Variants in PRKN observed in about 807,000 individuals in gnomAD.
PRKN encodes parkin RBR E3 ubiquitin protein ligase, also known as E3 ubiquitin-protein ligase parkin.
In PRKN, 56 loss-of-function variants were observed where a neutral mutation model predicts 59.5. The ratio of observed to expected loss-of-function variants is 0.94; its 90% CI spans 0.76 to 1.18. The LOEUF (loss-of-function observed/expected upper bound fraction) is 1.18, where lower values mean the gene tolerates loss of function less well. Among genes scored for constraint, PRKN ranks in the 50% most tolerant of loss-of-function variants. The pLI, the probability that PRKN is intolerant of heterozygous loss-of-function variation, is 0.00. For missense variants in PRKN, 657 were observed against 596.4 expected (o/e 1.10, Z -1.06); for synonymous variants, 250 against 222.1 (o/e 1.13, Z -1.12).
intron 5 of PRKN, among the ~76,000 whole-genome samples, chr6:162,012,847 T>C (rs879810329): frequency 6.6e-6 from 1 of 152,184 alleles, no homozygotes; most frequent in Admixed American, 6.6e-5. Context: ...GTTTGTCTGA[T>C]GTTTATATTA....
rs1436786720 is a variant in PRKN, at chr6:161,593,305, A to G, written c.872-23889T>C. ...TTTGAGTGTGAGGGCAGGGCTATTGATATTTTCATTATCCCCATTTAATGG... is the reference window on the plus strand; with the variant it reads ...TTTGAGTGTGAGGGCAGGGCTATTGGTATTTTCATTATCCCCATTTAATGG... On this transcript the variant is annotated intron_variant, in intron 7 of 11. Transcript: ENST00000366898. This position sits in a 1 kb window ranked among gnomAD's most constrained non-coding sequence, Gnocchi z 4.8. Among the ~76,000 whole-genome samples, 2 of 152,200 alleles carry G rather than the reference A, an allele frequency of 1.3e-5. No homozygotes were observed. Among genetic ancestry groups the G allele is most frequent in the African/African-American group, 4.8e-5 (2 of 41,446 alleles).
At chr6:162,285,291 T>TTTTC (rs1554295523) in intron 2 of PRKN, among the ~76,000 whole-genome samples, 27 of 140,704 alleles carry the variant, frequency 1.9e-4, no homozygotes, top group African/African-American at 6.4e-4. Flanking sequence ...TTTTTTTTTT[T>TTTTC]CCGAGAGGGC....
chr6:162,068,561 TACAAGGGC>T (rs1778435814), intron 4 of PRKN, among the ~76,000 whole-genome samples: 1 of 152,180 alleles, frequency 6.6e-6, no homozygotes, highest in South Asian at 2.1e-4. Context: ...CAGCTGTCAT[TACAAGGGC>T]CTCGGCTTTC....
intron 8 of PRKN, among the ~76,000 whole-genome samples, chr6:161,556,099 T>C (rs995628931): frequency 6.6e-6 from 1 of 152,228 alleles, no homozygotes; most frequent in African/African-American, 2.4e-5. Context: ...AAATTCTTGT[T>C]GACTGCATTC....
At chr6:162,140,961 T>C (rs1453627640) in intron 4 of PRKN, among the ~76,000 whole-genome samples, 2 of 151,972 alleles carry the variant, frequency 1.3e-5, no homozygotes, top group East Asian at 1.9e-4. Flanking sequence ...ACCCCGTCTC[T>C]ACTAAAAAAC....
chr6:161,494,954 A>G (rs1777690197), intron 9 of PRKN, among the ~76,000 whole-genome samples: 1 of 152,232 alleles, frequency 6.6e-6, no homozygotes, highest in Non-Finnish European at 1.5e-5. Flanking sequence ...CTACACCGTT[A>G]AACGATTCTA....
intron 9 of PRKN, among the ~76,000 whole-genome samples, chr6:161,510,947 G>T (rs1328758449): frequency 6.6e-6 from 1 of 152,184 alleles, no homozygotes; most frequent in African/African-American, 2.4e-5. Context: ...TATATCAAAA[G>T]AAGCCAGTCC....
chr6:161,785,699 C>A (rs1790384432), intron 7 of PRKN, 73 bp downstream of exon 7: 1 of 1,444,778 alleles, frequency 6.9e-7, no homozygotes, highest in Non-Finnish European at 9.7e-7. Context: ...ATATCTAAGC[C>A]AGTTTTACAT....
At chr6:161,762,749 A>G (rs569636745) in intron 7 of PRKN, among the ~76,000 whole-genome samples, 68 of 152,354 alleles carry the variant, frequency 4.5e-4, no homozygotes, top group African/African-American at 1.5e-3. Context: ...TAAGTTTTAT[A>G]CTGTTATATT....
chr6:162,465,673 T>C (rs1791377999), intron 1 of PRKN, among the ~76,000 whole-genome samples: 1 of 152,172 alleles, frequency 6.6e-6, no homozygotes, highest in Non-Finnish European at 1.5e-5. Context: ...ATTATAGAAA[T>C]AATGTCAAGT....
chr6:161,514,887 G>A (rs1215939358), intron 9 of PRKN, among the ~76,000 whole-genome samples: 1 of 152,094 alleles, frequency 6.6e-6, no homozygotes, highest in Non-Finnish European at 1.5e-5. Flanking sequence ...TGCCTACTAC[G>A]GAGTCCTCTG....
intron 2 of PRKN, among the ~76,000 whole-genome samples, chr6:162,365,886 G>T (rs1785411868): frequency 6.6e-6 from 1 of 152,052 alleles, no homozygotes; most frequent in Non-Finnish European, 1.5e-5. Flanking sequence ...AACAATGTCT[G>T]CCACATCATA....
At chr6:161,738,973 A>T (rs989614264) in intron 7 of PRKN, among the ~76,000 whole-genome samples, 25 of 152,236 alleles carry the variant, frequency 1.6e-4, no homozygotes, top group Non-Finnish European at 2.8e-4. Flanking sequence ...AGTTTTTGTG[A>T]GATAAGATGA....
chr6:162,092,930 G>A (rs1056908747), intron 4 of PRKN, among the ~76,000 whole-genome samples: 1 of 152,144 alleles, frequency 6.6e-6, no homozygotes, highest in South Asian at 2.1e-4. Context: ...CTGCAGAAAC[G>A]TCCTTGATGT....
chr6:161,727,943 T>C (rs1181057081), intron 7 of PRKN, among the ~76,000 whole-genome samples: 1 of 152,142 alleles, frequency 6.6e-6, no homozygotes, highest in Non-Finnish European at 1.5e-5. Context: ...CCTGAACATA[T>C]CATCTTATTA....
At chr6:161,437,891 G>A (rs1789000224) in intron 9 of PRKN, among the ~76,000 whole-genome samples, 1 of 152,110 alleles carries the variant, frequency 6.6e-6, no homozygotes, top group Non-Finnish European at 1.5e-5. Flanking sequence ...CCCCAAATAG[G>A]AACACTAGTA....
intron 5 of PRKN, among the ~76,000 whole-genome samples, chr6:162,042,653 T>C (rs1784109376): frequency 6.6e-6 from 1 of 152,160 alleles, no homozygotes. Flanking sequence ...CAATAAAATA[T>C]CCACATTTAA....
intron 2 of PRKN, among the ~76,000 whole-genome samples, chr6:162,320,067 G>T (rs187548906): frequency 1.1e-3 from 164 of 151,844 alleles, no homozygotes; most frequent in African/African-American, 3.8e-3. Flanking sequence ...TGAGCTATTT[G>T]TCTTTCTCTA....
At position 161,588,386 on chromosome 6, in the gene PRKN, CA is replaced by C. The variant is rs60368817; in HGVS notation, c.872-18971del. Among the ~76,000 whole-genome samples, 104,717 of 148,568 alleles carry C rather than the reference CA, an allele frequency of 0.7. 37,842 individuals are homozygous for C. The highest frequency in any genetic ancestry group is 0.9 in the African/African-American group (36,817 of 40,688). On this transcript the variant is annotated intron_variant, in intron 7 of 11. Transcript: ENST00000366898. This position sits in a 1 kb window ranked among gnomAD's most constrained non-coding sequence, Gnocchi z 5.0. ...CAAGAGCGAAACTCTGTCCCCTCGC[CA>C]AAAAAAAAAAATTTACTCTATGGGT...
Sources: allele counts gnomAD v4.1 joint callset (sites outside exome capture counted in the v4.1 genomes callset), GRCh38; gene constraint gnomAD v4.1.1; non-coding constraint Gnocchi (gnomAD v3.1); transcripts MANE v1.5; gene names NCBI Gene and HGNC (gene_info 2026-07-23, HGNC 2026-07-21).